SLC25A26: variants seen among roughly 807,000 people sequenced by gnomAD.
SLC25A26 encodes the protein solute carrier family 25 member 26, also known as mitochondrial S-adenosylmethionine carrier protein.
Under a neutral mutation model 37.8 loss-of-function variants are expected in SLC25A26, and 36 were observed. That is an observed-to-expected ratio of 0.95 (90% CI 0.73 to 1.26). The LOEUF is 1.26. Ranked by LOEUF, SLC25A26 falls within the 50% of genes most tolerant of loss-of-function variation. The pLI is 0.00. For synonymous variants in SLC25A26, 129 were observed against 122.5 expected (o/e 1.05, Z -0.35); for missense variants, 390 against 331.1 (o/e 1.18, Z -1.38).
chr3:66,189,203 T>G (rs1452389748), intron 1 of SLC25A26, among the ~76,000 whole-genome samples: 3 of 152,052 alleles, frequency 2.0e-5, no homozygotes, highest in Non-Finnish European at 4.4e-5. Context: ...ATGTTGACCC[T>G]GACCCTGACC....
chr3:66,265,804 C>G (rs1397958155), intron 5 of SLC25A26, among the ~76,000 whole-genome samples: 1 of 152,116 alleles, frequency 6.6e-6, no homozygotes, highest in Non-Finnish European at 1.5e-5. Context: ...AGAAATAGCA[C>G]CCATACTGTA....
intron 2 of SLC25A26, among the ~76,000 whole-genome samples, chr3:66,239,241 T>A (rs1046299605): frequency 6.6e-6 from 1 of 151,958 alleles, no homozygotes; most frequent in Non-Finnish European, 1.5e-5. Flanking sequence ...AAGATCTATG[T>A]TTTGAAACCC....
chr3:66,358,132 C>A (rs1443525335), intron 6 of SLC25A26, among the ~76,000 whole-genome samples: 1 of 152,164 alleles, frequency 6.6e-6, no homozygotes, highest in African/African-American at 2.4e-5. Flanking sequence ...CATAGTCTTC[C>A]TGTGAGTAAT....
intron 5 of SLC25A26, among the ~76,000 whole-genome samples, chr3:66,299,488 C>G (rs2075008950): frequency 6.6e-6 from 1 of 152,162 alleles, no homozygotes; most frequent in African/African-American, 2.4e-5. Flanking sequence ...ATGTGCTTGG[C>G]AAACAAACTT....
intron 1 of SLC25A26, among the ~76,000 whole-genome samples, chr3:66,208,972 GTGTATATATATATATATT>G (rs2071225431): frequency 1.3e-5 from 1 of 75,890 alleles, no homozygotes; most frequent in Non-Finnish European, 2.2e-5. Context: ...ATATAAAGGT[GTGTATATATATATATATT>G]TATGTACCCA....
At chr3:66,325,147 T>C (rs1458413777) in intron 5 of SLC25A26, among the ~76,000 whole-genome samples, 1 of 152,308 alleles carries the variant, frequency 6.6e-6, no homozygotes, top group South Asian at 2.1e-4. Context: ...GTACAAGCAT[T>C]TCCCTCAGAA....
intron 5 of SLC25A26, among the ~76,000 whole-genome samples, chr3:66,319,817 G>C (rs1196803877): frequency 8.0e-6 from 1 of 125,248 alleles, no homozygotes; most frequent in Non-Finnish European, 1.6e-5. Context: ...GCAATGGTGT[G>C]ATCTCCGCTC....
chr3:66,322,999 A>G (rs933932967), intron 5 of SLC25A26, among the ~76,000 whole-genome samples: 5 of 146,542 alleles, frequency 3.4e-5, no homozygotes, highest in African/African-American at 1.2e-4. Context: ...TAAGTAAGGT[A>G]TTATAAAACT....
chr3:66,216,877 T>C (rs1449389484), upstream of SLC25A26, among the ~76,000 whole-genome samples: 1 of 152,234 alleles, frequency 6.6e-6, no homozygotes, highest in African/African-American at 2.4e-5. Flanking sequence ...ATAATGATGA[T>C]GCATTGAAAT....
chr3:66,273,754 A>G (rs1173400708), intron 5 of SLC25A26, among the ~76,000 whole-genome samples: 1 of 152,184 alleles, frequency 6.6e-6, no homozygotes, highest in African/African-American at 2.4e-5. Flanking sequence ...AAAAGAGGAT[A>G]CAAACGAATG....
chr3:66,212,379 G>T (rs2071296181), intron 1 of SLC25A26, among the ~76,000 whole-genome samples: 1 of 152,008 alleles, frequency 6.6e-6, no homozygotes, highest in East Asian at 1.9e-4. Flanking sequence ...GCCTCCCAAA[G>T]TGCCAGGATT....
At chr3:66,174,457 G>A (rs2070545002) in intron 1 of SLC25A26, among the ~76,000 whole-genome samples, 1 of 152,112 alleles carries the variant, frequency 6.6e-6, no homozygotes, top group Admixed American at 6.5e-5. Flanking sequence ...CTAAATGAAG[G>A]CCAAAATGAA....
upstream of SLC25A26, among the ~76,000 whole-genome samples, chr3:66,218,761 G>A (rs2071397867): frequency 6.6e-6 from 1 of 152,198 alleles, no homozygotes; most frequent in Non-Finnish European, 1.5e-5. Context: ...CACTCAAGCA[G>A]TACTATGGAG....
At chr3:66,191,372 G>T (rs1006892854) in intron 1 of SLC25A26, among the ~76,000 whole-genome samples, 3 of 152,156 alleles carry the variant, frequency 2.0e-5, no homozygotes, top group Admixed American at 6.5e-5. Flanking sequence ...TCCAGCCTGG[G>T]TGACAGAATG....
chr3:66,214,480 C>T (rs1313063781), intron 1 of SLC25A26, among the ~76,000 whole-genome samples: 1 of 152,186 alleles, frequency 6.6e-6, no homozygotes, highest in Non-Finnish European at 1.5e-5. Context: ...AAAGTTGCTC[C>T]AACTCTCCCT....
intron 5 of SLC25A26, among the ~76,000 whole-genome samples, chr3:66,338,887 T>G (rs140369617): frequency 6.6e-6 from 1 of 152,064 alleles, no homozygotes; most frequent in East Asian, 1.9e-4. Context: ...AGTTTATCCA[T>G]AGTGTGGCAT....
At chr3:66,363,051 GTTGT>G (rs2076747896) in intron 7 of SLC25A26, 122 bp downstream of exon 7, 1 of 422,444 alleles carries the variant, frequency 2.4e-6, no homozygotes, top group Non-Finnish European at 4.0e-6. Flanking sequence ...CGCTCCACTA[GTTGT>G]TTGAGAAAAG....
chr3:66,171,092 C>T (rs985657656), intron 1 of SLC25A26, among the ~76,000 whole-genome samples: 2 of 151,996 alleles, frequency 1.3e-5, no homozygotes, highest in Non-Finnish European at 2.9e-5. Context: ...CGTGAGCCAC[C>T]GCGCCCGGCC....
chr3:66,220,922 C>G (rs1003993254), upstream of SLC25A26: 2 of 711,810 alleles, frequency 2.8e-6, no homozygotes, highest in South Asian at 3.2e-5. Flanking sequence ...CCTCTCTGGC[C>G]CTCCCCTAGG....
Sources: gnomAD v4.1 joint callset for allele counts (sites outside exome capture counted in the v4.1 genomes callset) on GRCh38, gnomAD v4.1.1 for gene constraint, MANE v1.5 for transcripts, NCBI Gene and HGNC (gene_info 2026-07-23, HGNC 2026-07-21) for gene names.